The following ATP6V1B2 variants were observed in gnomAD, a reference collection of about 807,000 sequenced individuals.
ATP6V1B2 encodes the protein V-type proton ATPase subunit B, brain isoform.
ATP6V1B2 carries 23 observed loss-of-function variants against 66.7 expected under a neutral mutation model. The observed-to-expected ratio is 0.34, with a 90% CI of 0.25 to 0.49. The LOEUF (loss-of-function observed/expected upper bound fraction) is 0.49, where lower values mean the gene tolerates loss of function less well. Among genes scored for constraint, ATP6V1B2 ranks in the 20% least tolerant of loss-of-function variants. The probability of loss-of-function intolerance (pLI) is 0.99; values close to 1 mark genes in which losing one functional copy is unlikely to be tolerated. For synonymous variants in ATP6V1B2, 278 were observed against 236.7 expected (o/e 1.17, Z -1.60); for missense variants, 478 against 650.8 (o/e 0.73, Z 2.89).
chr8:20,218,785 C>G (rs1388891156), intron 13 of ATP6V1B2, among the ~76,000 whole-genome samples: 1 of 152,098 alleles, frequency 6.6e-6, no homozygotes, highest in Non-Finnish European at 1.5e-5. Context: ...ATGTGTGGAC[C>G]TTTACCCACT....
chr8:20,208,197 A>G (rs1232789642), intron 2 of ATP6V1B2, among the ~76,000 whole-genome samples: 1 of 152,238 alleles, frequency 6.6e-6, no homozygotes. Context: ...AAATTCTGGC[A>G]TGCTTGTATG....
At chr8:20,213,208 T>G in intron 9 of ATP6V1B2, 1 of 329,030 alleles carries the variant, frequency 3.0e-6, no homozygotes, top group South Asian at 2.8e-5. Context: ...CTCGGGAAGT[T>G]CTGTTTCTGT....
Position 20,211,316 on chromosome 8 carries a change from G to A in ATP6V1B2, c.603G>A (p.Glu201=), listed in dbSNP as rs964654427. 6.2e-7 allele frequency: 1 copy of A among 1,610,930 alleles called. No individual in the cohort carries two copies. Among genetic ancestry groups the A allele is most frequent in the Admixed American group, 1.7e-5 (1 of 58,808 alleles). The change falls in exon 6 of 14, where the codon GAG becomes GAA. Residue 201 remains glutamate (E), a splice_region_variant and synonymous_variant. Coordinates refer to ENST00000276390, the MANE Select transcript of ATP6V1B2 (RefSeq NM_001693.4). ...CTGCTGCTGGGCTACCACACAATGAGGTGAGGACTGGGATCGGTTTGCTAT... is the reference window on the plus strand; with the variant it reads ...CTGCTGCTGGGCTACCACACAATGAAGTGAGGACTGGGATCGGTTTGCTAT... ...IFSAAGLPHN[E]IAAQICRQAG...
chr8:20,217,364 A>T (rs1337088974), intron 12 of ATP6V1B2, 40 bp downstream of exon 12: 5 of 1,529,798 alleles, frequency 3.3e-6, no homozygotes, highest in East Asian at 4.5e-5. Flanking sequence ...GAAAATATGG[A>T]TACGTTTCTG....
chr8:20,204,592 A>C, intron 2 of ATP6V1B2, 53 bp downstream of exon 2: 1 of 1,460,864 alleles, frequency 6.8e-7, no homozygotes, highest in Admixed American at 1.8e-5. Flanking sequence ...TGTGGCATTA[A>C]GTCCTATTTA....
intron 8 of ATP6V1B2, 38 bp from the exon 9 acceptor site, chr8:20,212,744 T>C (rs1204213378): frequency 2.5e-6 from 4 of 1,591,076 alleles, no homozygotes; most frequent in Non-Finnish European, 2.6e-6. Context: ...TTTTGGTCTT[T>C]TGGTTTGAGT....
At position 20,216,447 on chromosome 8, in the gene ATP6V1B2, C is replaced by T. The variant is rs746550420; in HGVS notation, c.1113C>T (p.Tyr371=). 6.2e-7 allele frequency: 1 copy of T among 1,613,354 alleles called. No individual in the cohort carries two copies. The change falls in exon 11 of 14, where the codon TAC becomes TAT. Residue 371 remains tyrosine (Y), a synonymous_variant. Coordinates refer to ENST00000276390, the MANE Select transcript of ATP6V1B2 (RefSeq NM_001693.4). ...ITHPIPDLTG[Y]ITEGQIYVDR... is the part of the protein sequence containing the mutation. ...ACCCCATCCCAGACTTGACTGGCTA[C>T]ATTACAGAGGGGCAGATCTATGTGG...
At position 20,211,161 on chromosome 8, in the gene ATP6V1B2, T is replaced by G. The variant is rs1350473448; in HGVS notation, c.464-16T>G. On this transcript the variant is annotated splice_polypyrimidine_tract_variant and intron_variant, in intron 5 of 13. Transcript: ENST00000276390. ...GCGGCAACTTGTTGAAATTTTCCTT[T>G]TTGGAAATACATTAGGTCAGCCAAT... 1 of 1,597,806 alleles carries G rather than the reference T, an allele frequency of 6.3e-7. No individual in the cohort carries two copies. Among genetic ancestry groups the G allele is most frequent in the Non-Finnish European group, 8.5e-7 (1 of 1,175,368 alleles).
rs2072896074 is a variant in ATP6V1B2, at chr8:20,220,384, A to G, written c.1518A>G (p.Arg506=). ...GCACCCTCAGCGAATTTTACCCTCG[A>G]GACTCTGCAAAGCATTAGCTGCTGC... ...PQSTLSEFYP[R]DSAKH Residue 506 remains arginine (R), a synonymous_variant, in exon 14 of 14, where the codon CGA becomes CGG. Coordinates refer to ENST00000276390, the MANE Select transcript of ATP6V1B2 (RefSeq NM_001693.4). The G allele has an allele frequency of 1.3e-6, 2 of 1,581,970 alleles. No homozygotes were observed. The highest frequency in any genetic ancestry group is 1.4e-5 in the African/African-American group (1 of 72,554).
chr8:20,219,746 T>C (rs1290470273), intron 13 of ATP6V1B2, among the ~76,000 whole-genome samples: 1 of 152,208 alleles, frequency 6.6e-6, no homozygotes, highest in Non-Finnish European at 1.5e-5. Flanking sequence ...GGGATAAGGA[T>C]GATTCTGCCA....
intron 13 of ATP6V1B2, among the ~76,000 whole-genome samples, chr8:20,219,520 G>A (rs1194531804): frequency 1.3e-5 from 2 of 152,112 alleles, no homozygotes; most frequent in African/African-American, 4.8e-5. Flanking sequence ...TACAACAGGT[G>A]TGTTTACTTT....
intron 3 of ATP6V1B2, among the ~76,000 whole-genome samples, chr8:20,209,778 A>G (rs189444939): frequency 3.3e-5 from 5 of 152,340 alleles, no homozygotes; most frequent in Admixed American, 6.5e-5. Context: ...GAGAGAGATG[A>G]AAAGCAGAAT....
intron 2 of ATP6V1B2, among the ~76,000 whole-genome samples, chr8:20,206,675 T>C (rs2072741164): frequency 1.3e-5 from 2 of 152,116 alleles, no homozygotes; most frequent in African/African-American, 4.8e-5. Flanking sequence ...GACACATGGA[T>C]GCATTCTTGC....
rs1164669851 is a variant in ATP6V1B2, at chr8:20,218,258, T to C, written c.1372T>C (p.Phe458Leu). 6.2e-7 allele frequency: 1 copy of C among 1,613,318 alleles called. No homozygotes were observed. The highest frequency in any genetic ancestry group is 1.1e-5 in the South Asian group (1 of 91,064). The change falls in exon 13 of 14, where the codon TTT (phenylalanine) becomes CTT (leucine). Residue 458 changes from phenylalanine to leucine, a missense_variant. By Grantham distance (22) the Phe-to-Leu change is conservative. Coordinates refer to ENST00000276390, the MANE Select transcript of ATP6V1B2 (RefSeq NM_001693.4). ...DLLYLEFLQK[F>L]ERNFIAQGPY... Reference sequence around the variant, plus strand: ...TCTCTACTTGGAATTTCTGCAGAAGTTTGAGAGGAACTTCATTGCTCAGGG... The same window carrying C: ...TCTCTACTTGGAATTTCTGCAGAAGCTTGAGAGGAACTTCATTGCTCAGGG...
At chr8:20,210,755 C>A in intron 5 of ATP6V1B2, 109 bp downstream of exon 5, 1 of 728,678 alleles carries the variant, frequency 1.4e-6, no homozygotes. Flanking sequence ...AGTAGATAGG[C>A]AACACGCTCC....
chr8:20,212,018 T>C, intron 7 of ATP6V1B2, 84 bp from the exon 8 acceptor site: 1 of 1,328,124 alleles, frequency 7.5e-7, no homozygotes. Flanking sequence ...GAAGGAACAA[T>C]TCAAATCTGT....
chr8:20,201,123 C>A (rs539304587), intron 1 of ATP6V1B2, among the ~76,000 whole-genome samples: 33 of 152,198 alleles, frequency 2.2e-4, no homozygotes, highest in African/African-American at 7.0e-4. Flanking sequence ...TATGATAGTT[C>A]AGAATCAAAG....
intron 5 of ATP6V1B2, among the ~76,000 whole-genome samples, chr8:20,210,954 A>T (rs901634045): frequency 6.6e-6 from 1 of 152,142 alleles, no homozygotes; most frequent in Non-Finnish European, 1.5e-5. Flanking sequence ...AGGAACTTGA[A>T]TTCTATTACC....
chr8:20,215,662 G>C (rs558680948), intron 10 of ATP6V1B2: 1 of 152,310 alleles, frequency 6.6e-6, no homozygotes, highest in East Asian at 1.9e-4. Flanking sequence ...CAAATGATTT[G>C]TTGAGATTAG....
Sources: allele counts gnomAD v4.1 joint callset (sites outside exome capture counted in the v4.1 genomes callset), GRCh38; gene constraint gnomAD v4.1.1; transcripts MANE v1.5; gene names NCBI Gene and HGNC (gene_info 2026-07-23, HGNC 2026-07-21).